TRPM4: variants seen among roughly 807,000 people sequenced by gnomAD.
TRPM4 encodes the protein transient receptor potential cation channel subfamily M member 4, also known as calcium-activated non-selective cation channel 1.
In TRPM4, 124 loss-of-function variants were observed where a neutral mutation model predicts 135.6. The ratio of observed to expected loss-of-function variants is 0.91; its 90% confidence interval spans 0.79 to 1.06. TRPM4 has a LOEUF of 1.06. Ranked by LOEUF, TRPM4 falls within the 50% of genes least tolerant of loss-of-function variation. The pLI, the probability that TRPM4 is intolerant of heterozygous loss-of-function variation, is 0.00. For missense variants in TRPM4, 1,658 were observed against 1,671.4 expected, an observed-to-expected ratio of 0.99 and a Z score of 0.14; for synonymous variants, 745 against 705.6, an observed-to-expected ratio of 1.06 and a Z score of -0.88.
In TRPM4 at chr19:49,189,067, C is replaced by G; in HGVS notation, c.1995C>G (p.Ala665=). ...LQLAMQADAR[A]FFAQDGVQSL... Reference sequence around the variant, plus strand: ...TGGCCATGCAAGCTGACGCCCGTGCCTTCTTTGCCCAGGATGGGGTACAGG... The same window carrying G: ...TGGCCATGCAAGCTGACGCCCGTGCGTTCTTTGCCCAGGATGGGGTACAGG... Residue 665 remains alanine, a synonymous_variant, in exon 14 of 25, where the codon GCC becomes GCG. Coordinates refer to ENST00000252826, the MANE Select transcript of TRPM4 (RefSeq NM_017636.4). The G allele has an allele frequency of 6.2e-7, 1 of 1,614,196 alleles. No homozygotes were observed. Among genetic ancestry groups the G allele is most frequent in the African/African-American group, 1.3e-5 (1 of 75,052 alleles).
rs763568053 is a variant in TRPM4 at position 49,171,693 on chromosome 19, G to C, written c.974G>C (p.Gly325Ala). ...LEDTLAPGSG[G>A]ARQGEARDRI... ...GACACTCTGGCCCCAGGGAGTGGGG[G>C]AGCCAGGCAAGGCGAAGCCCGAGAT... The change falls in exon 8 of 25, where the codon GGA (glycine) becomes GCA (alanine). Residue 325 changes from glycine to alanine, a missense_variant. Coordinates refer to ENST00000252826, the MANE Select transcript of TRPM4 (RefSeq NM_017636.4). This position sits in a 1 kb window ranked among gnomAD's most constrained non-coding sequence, Gnocchi z 4.7. 1.2e-6 allele frequency: 2 copies of C among 1,614,020 alleles called. No homozygotes were observed. Among genetic ancestry groups the C allele is most frequent in the Non-Finnish European group, 1.7e-6 (2 of 1,180,016 alleles).
chr19:49,208,627 C>T (rs1969238187), intron 20 of TRPM4, among the ~76,000 whole-genome samples: 2 of 151,984 alleles, frequency 1.3e-5, no homozygotes, highest in South Asian at 4.2e-4. Context: ...AGAGTAATTG[C>T]TACAAACTAA....
At chr19:49,205,168 G>T (rs1969102465) in intron 20 of TRPM4, among the ~76,000 whole-genome samples, 1 of 151,792 alleles carries the variant, frequency 6.6e-6, no homozygotes, top group African/African-American at 2.4e-5. Context: ...AAACTGTGTG[G>T]CTTTAAATCA....
At position 49,189,066 on chromosome 19, in the gene TRPM4, C is replaced by A; in HGVS notation, c.1994C>A (p.Ala665Asp). Residue 665 changes from alanine to aspartate, a missense_variant, in exon 14 of 25, where the codon GCC becomes GAC. Transcript: ENST00000252826. ...LQLAMQADAR[A>D]FFAQDGVQSL... is the part of the protein sequence containing the mutation. ...CTGGCCATGCAAGCTGACGCCCGTG[C>A]CTTCTTTGCCCAGGATGGGGTACAG... 4 of 1,614,176 alleles carry A rather than the reference C, an allele frequency of 2.5e-6. No homozygotes were observed. Among genetic ancestry groups the A allele is most frequent in the Non-Finnish European group, 3.4e-6 (4 of 1,180,012 alleles).
intron 2 of TRPM4, chr19:49,158,608 A>G: frequency 3.6e-6 from 1 of 279,464 alleles, no homozygotes; most frequent in Non-Finnish European, 6.9e-6. Flanking sequence ...TCATTCATTC[A>G]TTCATTCATT....
intron 2 of TRPM4, among the ~76,000 whole-genome samples, chr19:49,163,601 C>T (rs1664213894): frequency 6.6e-6 from 1 of 152,122 alleles, no homozygotes; most frequent in Non-Finnish European, 1.5e-5. Context: ...AAGTGATCCT[C>T]CTGCTACAGC....
In TRPM4 at chr19:49,196,809, C is replaced by T; in HGVS notation, c.2580C>T (p.Leu860=). The T allele has an allele frequency of 1.3e-6, 2 of 1,586,992 alleles. No homozygotes were observed. The highest frequency in any genetic ancestry group is 1.7e-6 in the Non-Finnish European group (2 of 1,174,088). Residue 860 remains leucine (L), a synonymous_variant, in exon 17 of 25, where the codon CTC becomes CTT. Transcript: ENST00000252826. ...TGAGCCAGCGCCTGCGCCTCTACCT[C>T]GCCGACAGCTGGAACCAGTGCGACC... The part of the protein sequence containing the change: ...ASLSQRLRLY[L]ADSWNQCDLV...
chr19:49,180,688 C>T lies in TRPM4; in HGVS notation c.1151-661C>T, dbSNP rs564525290. 2.6e-5 allele frequency among the ~76,000 whole-genome samples: 4 copies of T among 152,020 alleles called. No individual in the cohort carries two copies. The East Asian group carries it at 7.8e-4, about 29-fold the overall frequency. On this transcript the variant is annotated intron_variant, in intron 9 of 24. Coordinates refer to ENST00000252826, the MANE Select transcript of TRPM4 (RefSeq NM_017636.4). ...GCCTATAGATGCCTCCTTAGACACCCCTCCACCCTGCCTTCCATTATGGCC... is the reference window on the plus strand; with the variant it reads ...GCCTATAGATGCCTCCTTAGACACCTCTCCACCCTGCCTTCCATTATGGCC...
At chr19:49,187,951 G>A (rs1428512682) in intron 12 of TRPM4, among the ~76,000 whole-genome samples, 2 of 152,110 alleles carry the variant, frequency 1.3e-5, no homozygotes, top group South Asian at 2.1e-4. Context: ...TCCAGTGCAG[G>A]GTCTGCAAAC....
At chr19:49,190,497 TCC>T (rs1381181025) in intron 15 of TRPM4, among the ~76,000 whole-genome samples, 177 bp downstream of exon 15, 1 of 152,086 alleles carries the variant, frequency 6.6e-6, no homozygotes, top group Non-Finnish European at 1.5e-5. Context: ...GGGGGGATCC[TCC>T]CTGTGGTATC....
intron 15 of TRPM4, 95 bp downstream of exon 15, chr19:49,190,415 C>A (rs1309278722): frequency 1.8e-6 from 2 of 1,132,234 alleles, no homozygotes; most frequent in African/African-American, 3.1e-5. Context: ...CTCATCGGCC[C>A]ATTGTGTCCC....
rs530558240 is a variant in TRPM4 at position 49,163,436 on chromosome 19, C to T, written c.93-2605C>T. Among the ~76,000 whole-genome samples, 14 of 152,058 alleles carry T rather than the reference C, an allele frequency of 9.2e-5. No homozygotes were observed. The South Asian group carries it at 2.3e-3, about 25-fold the overall frequency. Reference sequence around the variant, plus strand: ...GTCTCGAACTCCTGACCTCATGATCCGCCCGCCTTGGCCTCCCAAAGTGCT... The same window carrying T: ...GTCTCGAACTCCTGACCTCATGATCTGCCCGCCTTGGCCTCCCAAAGTGCT... On this transcript the variant is annotated intron_variant, in intron 2 of 24. Transcript: ENST00000252826.
chr19:49,166,284 C>A, intron 3 of TRPM4, 69 bp downstream of exon 3: 1 of 1,479,492 alleles, frequency 6.8e-7, no homozygotes, highest in South Asian at 1.3e-5. Context: ...CAGAGTGGAG[C>A]CGGGACGCCC....
chr19:49,188,370 AC>A (rs753917386), intron 12 of TRPM4, among the ~76,000 whole-genome samples: 1 of 152,098 alleles, frequency 6.6e-6, no homozygotes, highest in Non-Finnish European at 1.5e-5. Flanking sequence ...CCAGCCTCCA[AC>A]TGCTTCTTGA....
intron 9 of TRPM4, among the ~76,000 whole-genome samples, chr19:49,176,083 C>G (rs1967682544): frequency 1.3e-5 from 2 of 150,872 alleles, no homozygotes; most frequent in African/African-American, 2.4e-5. Flanking sequence ...ACAACCGCAC[C>G]CGGCTAATTT....
At chr19:49,187,593 C>A (rs1393894098) in intron 12 of TRPM4, among the ~76,000 whole-genome samples, 1 of 152,138 alleles carries the variant, frequency 6.6e-6, no homozygotes, top group Non-Finnish European at 1.5e-5. Context: ...AAGCAATCCT[C>A]CTCATTTGTA....
rs767900879 is a variant in TRPM4 at position 49,157,896 on chromosome 19, C to G, written c.24+6C>G. ...TGGTGCCGGAGAAGGAGCAGGTGAG[C>G]GCCGGACCAGGGTCTGCGGGAGCGC... On this transcript the variant is annotated splice_donor_region_variant and intron_variant, in intron 1 of 24. Transcript: ENST00000252826. 9.6e-5 allele frequency: 148 copies of G among 1,534,936 alleles called. No individual in the cohort carries two copies. The highest frequency in any genetic ancestry group is 1.4e-4 in the Admixed American group (7 of 50,928).
intron 12 of TRPM4, among the ~76,000 whole-genome samples, chr19:49,186,468 A>C (rs564266303): frequency 3.3e-5 from 5 of 152,046 alleles, no homozygotes; most frequent in Non-Finnish European, 7.3e-5. Context: ...TATTCCCTCC[A>C]AGTATTTCCT....
intron 10 of TRPM4, among the ~76,000 whole-genome samples, 156 bp downstream of exon 10, chr19:49,181,617 C>T (rs571987463): frequency 6.7e-5 from 10 of 150,126 alleles, no homozygotes; most frequent in African/African-American, 1.5e-4. Context: ...CTGCAAGCTC[C>T]GCCACCTGGG....
Sources: gnomAD v4.1 joint callset for allele counts (sites outside exome capture counted in the v4.1 genomes callset) on GRCh38, gnomAD v4.1.1 for gene constraint, Gnocchi (gnomAD v3.1) non-coding constraint, MANE v1.5 for transcripts, NCBI Gene and HGNC (gene_info 2026-07-23, HGNC 2026-07-21) for gene names.